CDH1: variants seen among roughly 807,000 people sequenced by gnomAD.
CDH1 encodes the protein cadherin 1.
Under a neutral mutation model 84.5 loss-of-function variants are expected in CDH1, and 35 were observed. That is an observed-to-expected ratio of 0.41 (90% CI 0.32 to 0.55). The LOEUF is 0.55. CDH1 is among the 20% of genes least tolerant of loss of function. The pLI, the probability that CDH1 is intolerant of heterozygous loss-of-function variation, is 0.19. For missense variants in CDH1, 994 were observed against 1,126.6 expected (o/e 0.88, Z 1.68); for synonymous variants, 417 against 439.0 (o/e 0.95, Z 0.63).
At chr16:68,784,342 T>G (rs7199991) in intron 2 of CDH1, among the ~76,000 whole-genome samples, 43,427 of 151,806 alleles carry the variant, frequency 0.29, 6,333 homozygotes, top group Middle Eastern at 0.34. Flanking sequence ...AATGCAGGGG[T>G]CTTGCCTGAC....
At position 68,833,812 on chromosome 16, in the gene CDH1, C is replaced by T. The variant is rs36040126; in HGVS notation, c.*313C>T. The stretch of plus-strand genomic sequence containing the variant: ...CTTTAGCATCAGAAGGTTCACCCAG[C>T]ACCTTGCAGATTTTCTTAAGGAATT... On this transcript the variant is annotated 3_prime_UTR_variant, in exon 16 of 16. Transcript: ENST00000261769. 7.2e-4 allele frequency: 303 copies of T among 418,022 alleles called. 1 individual carries two copies. The highest frequency in any genetic ancestry group is 1.2e-3 in the Non-Finnish European group (266 of 229,066). The allele number at this position is 418,022 out of a possible 1,614,324, so 25.9% of individuals were successfully genotyped here.
chr16:68,796,617 T>C (rs1408653968), intron 2 of CDH1, among the ~76,000 whole-genome samples: 1 of 152,194 alleles, frequency 6.6e-6, no homozygotes, highest in African/African-American at 2.4e-5. Context: ...TATTTGAACA[T>C]CAGTCATCTC....
At chr16:68,759,233 C>T (rs533568375) in intron 2 of CDH1, among the ~76,000 whole-genome samples, 1 of 152,274 alleles carries the variant, frequency 6.6e-6, no homozygotes, top group South Asian at 2.1e-4. Context: ...CACAGTGGCT[C>T]ATGCCTGTTA....
intron 2 of CDH1, among the ~76,000 whole-genome samples, chr16:68,767,572 A>G (rs190723967): frequency 1.5e-4 from 23 of 152,306 alleles, no homozygotes; most frequent in Non-Finnish European, 1.5e-4. Flanking sequence ...TAGTAACAAG[A>G]CTTCCCAAAA....
chr16:68,755,282 C>CAAAAAAAAAAAAAAAA (rs1188775959), intron 2 of CDH1, among the ~76,000 whole-genome samples: 48 of 96,012 alleles, frequency 5.0e-4, no homozygotes, highest in African/African-American at 1.7e-3. Flanking sequence ...GACTCTGTCT[C>CAAAAAAAAAAAAAAAA]AAAAAAAAAA....
chr16:68,823,634 C>T lies in CDH1; in HGVS notation c.2164+8C>T, dbSNP rs780024078. The T allele has an allele frequency of 6.3e-7, 1 of 1,584,660 alleles. No homozygotes were observed. The highest frequency in any genetic ancestry group is 8.6e-7 in the Non-Finnish European group (1 of 1,157,686). ...GAATTCTTGCTTTGCTAAGTAAGTCCAGCTGGCAAGTGACTCAGCCTTTGA... is the reference window on the plus strand; with the variant it reads ...GAATTCTTGCTTTGCTAAGTAAGTCTAGCTGGCAAGTGACTCAGCCTTTGA... On this transcript the variant is annotated splice_region_variant and intron_variant, in intron 13 of 15. Transcript: ENST00000261769.
rs34946826 is a variant in CDH1 at position 68,823,288 on chromosome 16, C to A, written c.1937-111C>A. 4,009 of 774,710 alleles carry A rather than the reference C, an allele frequency of 5.2e-3. 25 individuals carry two copies. The highest frequency in any genetic ancestry group is 0.011 in the South Asian group (802 of 70,768). 48.0% of individuals were successfully genotyped at this position (774,710 alleles called of 1,614,324 possible). ...CCTAAATAAAACCCAAGCAGCTCTGCTCTCTTCACTCGGCTTGCGGGTGTC... is the reference window on the plus strand; with the variant it reads ...CCTAAATAAAACCCAAGCAGCTCTGATCTCTTCACTCGGCTTGCGGGTGTC... On this transcript the variant is annotated intron_variant, in intron 12 of 15. Transcript: ENST00000261769.
intron 2 of CDH1, among the ~76,000 whole-genome samples, chr16:68,745,549 A>ATATATATATATTTATATGT (rs1285099283): frequency 1.3e-5 from 1 of 75,182 alleles, no homozygotes; most frequent in Non-Finnish European, 2.4e-5. Flanking sequence ...AAAAAAAAAA[A>ATATATATATATTTATATGT]ATATATATAT....
chr16:68,823,347 C>T, intron 12 of CDH1, 52 bp from the exon 13 acceptor site: 2 of 1,321,260 alleles, frequency 1.5e-6, no homozygotes, highest in African/African-American at 1.4e-5. Flanking sequence ...CTGGAATGAG[C>T]TTTTTATTTT....
rs755622441 is a variant in CDH1 at position 68,822,072 on chromosome 16, C to T, written c.1783C>T (p.Pro595Ser). 7.4e-6 allele frequency: 12 copies of T among 1,614,048 alleles called. No homozygotes were observed. The highest frequency in any genetic ancestry group is 2.7e-5 in the African/African-American group (2 of 74,920). ...LSDVNDNAPI[P>S]EPRTIFFCER... ...TGATGTGAATGACAACGCCCCCATA[C>T]CAGAACCTCGAACTATATTCTTCTG... Residue 595 changes from proline (P) to serine (S), a missense_variant, in exon 12 of 16, where the codon CCA becomes TCA. Physicochemically the swap from Pro to Ser is moderately conservative, Grantham distance 74. Transcript: ENST00000261769.
At chr16:68,786,542 T>C (rs1297226751) in intron 2 of CDH1, among the ~76,000 whole-genome samples, 1 of 139,182 alleles carries the variant, frequency 7.2e-6, no homozygotes, top group Non-Finnish European at 1.6e-5. Context: ...TTCTTTTTTT[T>C]TTTTTTTTTT....
rs1050376372 is a variant in CDH1, at chr16:68,834,940, T to C, written c.*1441T>C. ...GGATGATTGAGGTGGGTCTACCTCA[T>C]CTCTGAAAATTCTGGAAGGAATGGA... On this transcript the variant is annotated 3_prime_UTR_variant, in exon 16 of 16. Coordinates refer to ENST00000261769, the MANE Select transcript of CDH1 (RefSeq NM_004360.5). The C allele has an allele frequency of 9.5e-5, 22 of 232,384 alleles. No homozygotes were observed. The highest frequency in any genetic ancestry group is 4.9e-4 in the African/African-American group (22 of 45,354). 14.4% of individuals were successfully genotyped at this position (232,384 alleles called of 1,614,324 possible). A position where few individuals can be genotyped will look rare whatever the true frequency, so the allele number is the denominator to read the frequency against.
In CDH1 at chr16:68,815,375, T is replaced by C. The variant is rs969247115; in HGVS notation, c.1321-140T>C. On this transcript the variant is annotated intron_variant, in intron 9 of 15. Coordinates refer to ENST00000261769, the MANE Select transcript of CDH1 (RefSeq NM_004360.5). ...TGGTAAGTAATTGTGGTTTCTGCCATTGAAAGTCATGGCAGAAACCACAGT... is the reference window on the plus strand; with the variant it reads ...TGGTAAGTAATTGTGGTTTCTGCCACTGAAAGTCATGGCAGAAACCACAGT... 9.7e-5 allele frequency: 106 copies of C among 1,094,924 alleles called. No individual in the cohort carries two copies. The highest frequency in any genetic ancestry group is 1.3e-4 in the Non-Finnish European group (101 of 772,212). The allele number at this position is 1,094,924 out of a possible 1,614,324, so 67.8% of individuals were successfully genotyped here. A position where few individuals can be genotyped will look rare whatever the true frequency, so the allele number is the denominator to read the frequency against.
chr16:68,773,972 A>G (rs1388213886), intron 2 of CDH1, among the ~76,000 whole-genome samples: 1 of 152,228 alleles, frequency 6.6e-6, no homozygotes, highest in East Asian at 1.9e-4. Flanking sequence ...GCTAGAGTGC[A>G]GTGGTGCAGT....
rs1258269739 is a variant in CDH1, at chr16:68,737,382, G to A, written c.-34G>A. ...AGCCCGGCCCGACCCGACCGCACCC[G>A]GCGCCTGCCCTCGCTCGGCGTCCCC... On this transcript the variant is annotated 5_prime_UTR_variant, in exon 1 of 16. Transcript: ENST00000261769. 2.0e-6 allele frequency: 3 copies of A among 1,526,854 alleles called. No homozygotes were observed. The highest frequency in any genetic ancestry group is 3.9e-5 in the Admixed American group (2 of 50,680). 94.6% of individuals were successfully genotyped at this position (1,526,854 alleles called of 1,614,324 possible).
intron 2 of CDH1, among the ~76,000 whole-genome samples, chr16:68,754,144 AG>A (rs2152117926): frequency 6.7e-6 from 1 of 149,742 alleles, no homozygotes; most frequent in African/African-American, 2.5e-5. Flanking sequence ...ATTATTCGGC[AG>A]GGCACAGTGG....
intron 2 of CDH1, among the ~76,000 whole-genome samples, chr16:68,761,360 C>T (rs1246390206): frequency 6.6e-6 from 1 of 152,180 alleles, no homozygotes; most frequent in East Asian, 1.9e-4. Flanking sequence ...CATGTTTATC[C>T]CAAATCCCCT....
chr16:68,822,373 C>G, intron 12 of CDH1, 148 bp downstream of exon 12: 1 of 704,018 alleles, frequency 1.4e-6, no homozygotes, highest in South Asian at 1.6e-5. Flanking sequence ...GTCTTTGAGG[C>G]CTTGCTCCAA....
At chr16:68,777,639 G>T (rs568122364) in intron 2 of CDH1, among the ~76,000 whole-genome samples, 1 of 147,670 alleles carries the variant, frequency 6.8e-6, no homozygotes, top group African/African-American at 2.5e-5. Context: ...GACCTCCCAG[G>T]CTCAAGCCAT....
Sources: allele counts gnomAD v4.1 joint callset (sites outside exome capture counted in the v4.1 genomes callset), GRCh38; gene constraint gnomAD v4.1.1; transcripts MANE v1.5; gene names NCBI Gene and HGNC (gene_info 2026-07-23, HGNC 2026-07-21).